TUSC3: variants seen among roughly 807,000 people sequenced by gnomAD.
TUSC3 encodes the protein dolichyl-diphosphooligosaccharide--protein glycosyltransferase subunit TUSC3.
Under a neutral mutation model 44.8 loss-of-function variants are expected in TUSC3, and 45 were observed. The ratio of observed to expected loss-of-function variants is 1.00; its 90% CI spans 0.79 to 1.29. The LOEUF (loss-of-function observed/expected upper bound fraction) is 1.29, where lower values mean the gene tolerates loss of function less well. TUSC3 is among the 50% of genes most tolerant of loss of function. TUSC3 has a pLI of 0.00. For synonymous variants in TUSC3, 212 were observed against 152.9 expected (o/e 1.39, Z -2.85); for missense variants, 519 against 437.9 (o/e 1.19, Z -1.65).
intron 1 of TUSC3, among the ~76,000 whole-genome samples, chr8:15,577,177 A>C (rs1282650727): frequency 6.7e-6 from 1 of 148,860 alleles, no homozygotes; most frequent in Non-Finnish European, 1.5e-5. Flanking sequence ...TTTTCTTGTA[A>C]ATTTGTTTGA....
At chr8:15,419,445 C>T in intron 1 of TUSC3, among the ~76,000 whole-genome samples, 1 of 152,258 alleles carries the variant, frequency 6.6e-6, no homozygotes, top group East Asian at 1.9e-4. Flanking sequence ...GAGGCGCCAG[C>T]AATCATAATA....
At chr8:15,741,982 CCATG>C (rs1811219549) in intron 7 of TUSC3, among the ~76,000 whole-genome samples, 1 of 152,008 alleles carries the variant, frequency 6.6e-6, no homozygotes, top group Non-Finnish European at 1.5e-5. Context: ...TAACAATGTC[CCATG>C]TCTGTGGATT....
chr8:15,740,045 T>C (rs193074635), intron 7 of TUSC3, among the ~76,000 whole-genome samples: 175 of 152,236 alleles, frequency 1.1e-3, no homozygotes, highest in African/African-American at 4.1e-3. Flanking sequence ...AATAAGTACA[T>C]TGTAAAACGT....
At chr8:15,448,320 C>T (rs1418382117) in intron 1 of TUSC3, among the ~76,000 whole-genome samples, 1 of 151,594 alleles carries the variant, frequency 6.6e-6, no homozygotes, top group Non-Finnish European at 1.5e-5. Context: ...GGTTTCACCA[C>T]ATTGGCAAGG....
At chr8:15,819,724 T>C in the TUSC3 span, among the ~76,000 whole-genome samples, 26,416 of 152,172 alleles carry the variant, frequency 0.17, 2,449 homozygotes, top group Admixed American at 0.28. Flanking sequence ...TGTTACAATA[T>C]CTCTTGTAGA....
At chr8:15,442,516 T>G (rs1402917385) in intron 1 of TUSC3, among the ~76,000 whole-genome samples, 1 of 152,160 alleles carries the variant, frequency 6.6e-6, no homozygotes, top group Non-Finnish European at 1.5e-5. Context: ...TCCCAGTGGA[T>G]TGTTTACTTT....
At chr8:15,758,655 A>G (rs1812038300) in intron 10 of TUSC3, among the ~76,000 whole-genome samples, 1 of 152,064 alleles carries the variant, frequency 6.6e-6, no homozygotes, top group Non-Finnish European at 1.5e-5. Flanking sequence ...GTGTTCCAAA[A>G]GAGTTCTGAA....
the TUSC3 span, among the ~76,000 whole-genome samples, chr8:15,801,507 G>C: frequency 6.7e-6 from 1 of 150,234 alleles, no homozygotes; most frequent in African/African-American, 2.5e-5. Context: ...GTAGCCTTGA[G>C]AAAAAAAAAG....
At chr8:15,825,565 A>G in the TUSC3 span, among the ~76,000 whole-genome samples, 6 of 152,146 alleles carry the variant, frequency 3.9e-5, no homozygotes, top group African/African-American at 7.2e-5. Flanking sequence ...GGAACAGCCA[A>G]ACTATATCAG....
chr8:15,772,981 A>AAAATAGGAATAAAAAGAGGATTTT, the TUSC3 span, among the ~76,000 whole-genome samples: 5 of 151,580 alleles, frequency 3.3e-5, no homozygotes, highest in African/African-American at 9.7e-5. Flanking sequence ...GAACACAAAC[A>AAAATAGGAATAAAAAGAGGATTTT]CTCAACATTA....
intron 1 of TUSC3, among the ~76,000 whole-genome samples, chr8:15,600,563 T>G (rs1238226876): frequency 6.6e-6 from 1 of 151,676 alleles, no homozygotes; most frequent in Non-Finnish European, 1.5e-5. Context: ...TCTTGTTTGC[T>G]TTGTCTTAGT....
At chr8:15,458,913 A>T (rs138891754) in intron 1 of TUSC3, among the ~76,000 whole-genome samples, 4 of 152,202 alleles carry the variant, frequency 2.6e-5, no homozygotes, top group African/African-American at 4.8e-5. Flanking sequence ...TTGAAAGGCC[A>T]TTCTAAATCC....
chr8:15,445,593 G>C (rs1335070865), intron 1 of TUSC3, among the ~76,000 whole-genome samples: 1 of 152,178 alleles, frequency 6.6e-6, no homozygotes, highest in Non-Finnish European at 1.5e-5. Context: ...ATTTAACCCT[G>C]AGTGGACACA....
intron 1 of TUSC3, among the ~76,000 whole-genome samples, chr8:15,559,104 A>G (rs1475177204): frequency 3.5e-5 from 5 of 143,758 alleles, no homozygotes; most frequent in Non-Finnish European, 7.7e-5. Flanking sequence ...TAGGGTGTCA[A>G]TTTTGGATCT....
At chr8:15,562,467 T>C (rs549702263) in intron 1 of TUSC3, among the ~76,000 whole-genome samples, 2 of 152,264 alleles carry the variant, frequency 1.3e-5, no homozygotes, top group Non-Finnish European at 2.9e-5. Flanking sequence ...CATAAAAAAT[T>C]GCCACAATTT....
Position 15,486,349 on chromosome 8 carries a change from C to T in TUSC3, n.189+2866C>T, listed in dbSNP as rs554811410. On this transcript the variant is annotated intron_variant and non_coding_transcript_variant, in intron 2 of 5. Transcript: ENST00000503191. ...TAAAATGTGGTAACTGAAATTTGTG[C>T]ATATCTGGACTATGCAAAATGACTG... Among the ~76,000 whole-genome samples the T allele has an allele frequency of 1.9e-4, 29 of 152,198 alleles. No homozygotes were observed. The South Asian group carries it at 5.8e-3, about 31-fold the overall frequency.
intron 1 of TUSC3, among the ~76,000 whole-genome samples, chr8:15,469,987 G>A (rs1044505625): frequency 6.6e-6 from 1 of 152,106 alleles, no homozygotes; most frequent in Non-Finnish European, 1.5e-5. Context: ...TGGGTGAGGT[G>A]GCTTACGCCT....
intron 7 of TUSC3, 80 bp downstream of exon 7, chr8:15,730,809 A>T: frequency 1.5e-6 from 2 of 1,365,610 alleles, no homozygotes; most frequent in Non-Finnish European, 2.1e-6. Context: ...TCCTGGCAGT[A>T]AATATCAAGA....
At chr8:15,487,027 A>G (rs541664264) in intron 2 of TUSC3, among the ~76,000 whole-genome samples, 18 of 152,326 alleles carry the variant, frequency 1.2e-4, no homozygotes, top group Middle Eastern at 3.4e-3. Context: ...GAAAAGCTTC[A>G]GTTTTTATAC....
Sources: gnomAD v4.1 joint callset for allele counts (sites outside exome capture counted in the v4.1 genomes callset) on GRCh38, gnomAD v4.1.1 for gene constraint, MANE v1.5 for transcripts, NCBI Gene and HGNC (gene_info 2026-07-23, HGNC 2026-07-21) for gene names.